The following CNTNAP3B variants were observed in gnomAD, a reference collection of about 807,000 sequenced individuals.
CNTNAP3B encodes contactin-associated protein-like 3B.
Under a neutral mutation model 108.9 loss-of-function variants are expected in CNTNAP3B, and 25 were observed. The observed-to-expected ratio is 0.23, with a 90% CI of 0.17 to 0.32. CNTNAP3B has a LOEUF of 0.32. CNTNAP3B is among the 10% of genes least tolerant of loss of function. CNTNAP3B has a pLI of 1.00. For missense variants in CNTNAP3B, 252 were observed against 1,210.4 expected (o/e 0.21, Z 11.75); for synonymous variants, 103 against 473.4 (o/e 0.22, Z 10.16).
At chr9:41,926,281 C>T (rs1823816894) in intron 15 of CNTNAP3B, among the ~76,000 whole-genome samples, 1 of 152,076 alleles carries the variant, frequency 6.6e-6, no homozygotes, top group African/African-American at 2.4e-5. Flanking sequence ...AGTGGTCATT[C>T]CTTGACCCTA....
At chr9:41,964,142 C>T (rs1825192055) in intron 11 of CNTNAP3B, among the ~76,000 whole-genome samples, 2 of 152,310 alleles carry the variant, frequency 1.3e-5, no homozygotes, top group South Asian at 2.1e-4. Flanking sequence ...ACATTGACAG[C>T]CTGGCAAGGG....
intron 11 of CNTNAP3B, among the ~76,000 whole-genome samples, chr9:41,962,324 C>A (rs1360035151): frequency 2.6e-5 from 4 of 152,282 alleles, no homozygotes; most frequent in African/African-American, 9.6e-5. Context: ...CTATAGCCGT[C>A]AATTATTAGA....
intron 16 of CNTNAP3B, 199 bp downstream of exon 16, chr9:41,923,724 T>G (rs1823730733): frequency 9.7e-7 from 1 of 1,032,366 alleles, no homozygotes; most frequent in Admixed American, 2.9e-5. Flanking sequence ...ATAATGCCAC[T>G]GCACTCCAGC....
At chr9:41,961,534 T>C (rs1195182894) in intron 11 of CNTNAP3B, among the ~76,000 whole-genome samples, 2 of 152,298 alleles carry the variant, frequency 1.3e-5, no homozygotes, top group East Asian at 3.8e-4. Flanking sequence ...GCCTAAATAA[T>C]CTGGTATTTT....
chr9:41,969,916 G>T (rs1825393141), intron 10 of CNTNAP3B, among the ~76,000 whole-genome samples, 158 bp downstream of exon 10: 2 of 146,050 alleles, frequency 1.4e-5, no homozygotes, highest in Non-Finnish European at 3.0e-5. Context: ...CGGCCAAGAT[G>T]AAGTTTTCTA....
intron 15 of CNTNAP3B, among the ~76,000 whole-genome samples, chr9:41,927,473 G>GGGAAGGAA (rs199924846): frequency 5.5e-3 from 695 of 126,664 alleles, no homozygotes; most frequent in Middle Eastern, 9.0e-3. Flanking sequence ...GGAGGGAGTG[G>GGGAAGGAA]GGAAGGAAGG....
chr9:42,127,801 T>C (rs764796657), intron 1 of CNTNAP3B, among the ~76,000 whole-genome samples: 1 of 139,322 alleles, frequency 7.2e-6, no homozygotes, highest in Non-Finnish European at 1.5e-5. Context: ...AGTGAGTGCA[T>C]GAACCCATGT....
At chr9:41,958,375 G>C (rs1379927392) in intron 12 of CNTNAP3B, among the ~76,000 whole-genome samples, 2 of 152,306 alleles carry the variant, frequency 1.3e-5, no homozygotes, top group Non-Finnish European at 2.9e-5. Flanking sequence ...CTCAAAACTG[G>C]TCTAAGGCTA....
At chr9:41,941,932 C>T (rs1824358442) in intron 13 of CNTNAP3B, among the ~76,000 whole-genome samples, 3 of 152,184 alleles carry the variant, frequency 2.0e-5, no homozygotes, top group Admixed American at 2.0e-4. Context: ...ATGTCTCCAG[C>T]AGGGGGAGGG....
chr9:41,932,690 T>C (rs1824016614), intron 14 of CNTNAP3B, among the ~76,000 whole-genome samples: 1 of 152,086 alleles, frequency 6.6e-6, no homozygotes, highest in Non-Finnish European at 1.5e-5. Context: ...CAGCTAATTT[T>C]TGTATTTTTA....
chr9:42,063,935 T>G (rs1827219060), intron 3 of CNTNAP3B, among the ~76,000 whole-genome samples: 1 of 149,002 alleles, frequency 6.7e-6, no homozygotes, highest in African/African-American at 2.5e-5. Flanking sequence ...CTATTCTCCT[T>G]TTTCAGTGTC....
intron 17 of CNTNAP3B, among the ~76,000 whole-genome samples, chr9:41,920,840 G>A (rs76910142): frequency 0.18 from 23,987 of 131,986 alleles, no homozygotes; most frequent in South Asian, 0.23. Flanking sequence ...AGGAGGGGAA[G>A]TTGGAAGGGG....
chr9:41,921,734 C>T (rs1206689992), intron 17 of CNTNAP3B, among the ~76,000 whole-genome samples: 10,555 of 134,158 alleles, frequency 0.079, 24 homozygotes, highest in Non-Finnish European at 0.11. Context: ...AAATGGAGTG[C>T]AAGAACAGAT....
Position 41,929,218 on chromosome 9 carries a change from C to T in CNTNAP3B, c.2365+99G>A. On this transcript the variant is annotated intron_variant, in intron 15 of 23. Coordinates refer to ENST00000377561, the MANE Select transcript of CNTNAP3B (RefSeq NM_001201380.3). Reference sequence around the variant, plus strand: ...GATATTCGCCCCAGTCCTAGTACTGCCACTATTCTCTTTCTGGCAAGAACA... The same window carrying T: ...GATATTCGCCCCAGTCCTAGTACTGTCACTATTCTCTTTCTGGCAAGAACA... The T allele has an allele frequency of 7.0e-6, 10 of 1,432,234 alleles. 1 individual carries two copies. The highest frequency in any genetic ancestry group is 5.9e-5 in the South Asian group (4 of 67,960). 88.7% of individuals were successfully genotyped at this position (1,432,234 alleles called of 1,614,324 possible).
At chr9:41,945,505 C>T (rs1404024098) in intron 13 of CNTNAP3B, among the ~76,000 whole-genome samples, 1 of 152,310 alleles carries the variant, frequency 6.6e-6, no homozygotes, top group African/African-American at 2.4e-5. Flanking sequence ...TCTCAGCAAA[C>T]TATCGCAAGG....
At chr9:41,958,775 A>G (rs1394244437) in intron 12 of CNTNAP3B, among the ~76,000 whole-genome samples, 1 of 152,064 alleles carries the variant, frequency 6.6e-6, no homozygotes, top group South Asian at 2.1e-4. Flanking sequence ...GCCCTTGAGG[A>G]AAGACCTTGT....
intron 3 of CNTNAP3B, among the ~76,000 whole-genome samples, chr9:42,056,292 A>C (rs2118556099): frequency 7.4e-6 from 1 of 135,356 alleles, no homozygotes; most frequent in African/African-American, 2.9e-5. Context: ...CATTTCTTTA[A>C]CTTATAAACA....
chr9:41,944,853 T>A (rs1220737484), intron 13 of CNTNAP3B, among the ~76,000 whole-genome samples: 495 of 152,132 alleles, frequency 3.3e-3, no homozygotes, highest in East Asian at 7.7e-3. Context: ...TGGGAGAAAA[T>A]TTTTGCAATC....
At chr9:41,947,195 A>G (rs1272600981) in intron 13 of CNTNAP3B, among the ~76,000 whole-genome samples, 1 of 150,608 alleles carries the variant, frequency 6.6e-6, no homozygotes, top group Non-Finnish European at 1.5e-5. Flanking sequence ...ACTCCACTTA[A>G]GAATAGCAGA....
Sources: allele counts gnomAD v4.1 joint callset (sites outside exome capture counted in the v4.1 genomes callset), GRCh38; gene constraint gnomAD v4.1.1; transcripts MANE v1.5; gene names NCBI Gene and HGNC (gene_info 2026-07-23, HGNC 2026-07-21).